The following NOS1 variants were observed in gnomAD, a reference collection of about 807,000 sequenced individuals.
NOS1 encodes nitric oxide synthase 1, also known as NOS type I.
In NOS1, 51 loss-of-function variants were observed where a neutral mutation model predicts 164.5. The observed-to-expected ratio is 0.31, with a 90% CI of 0.25 to 0.39. The LOEUF is 0.39. Among genes scored for constraint, NOS1 ranks in the 10% least tolerant of loss-of-function variants. The pLI is 1.00. For synonymous variants in NOS1, 719 were observed against 745.8 expected (o/e 0.96, Z 0.59); for missense variants, 1,362 against 1,885.6 (o/e 0.72, Z 5.14).
intron 3 of NOS1, among the ~76,000 whole-genome samples, chr12:117,297,872 G>A (rs1204860755): frequency 6.6e-6 from 1 of 152,072 alleles, no homozygotes; most frequent in East Asian, 1.9e-4. Context: ...GCCTCACAGT[G>A]AAACCAGGAC....
At chr12:117,268,893 A>G (rs941742216) in intron 10 of NOS1, among the ~76,000 whole-genome samples, 5 of 151,984 alleles carry the variant, frequency 3.3e-5, no homozygotes, top group East Asian at 1.9e-4. Context: ...CACCGCGCCC[A>G]GCCTCAAAAA....
chr12:117,359,333 G>A (rs1262465234), intron 1 of NOS1, among the ~76,000 whole-genome samples: 1 of 152,192 alleles, frequency 6.6e-6, no homozygotes, highest in Non-Finnish European at 1.5e-5. Context: ...GCTGCCACAA[G>A]AGCCCTTTTC....
Position 117,225,151 on chromosome 12 carries a change from A to G in NOS1, c.3705-14T>C. 1 of 1,605,460 alleles carries G rather than the reference A, an allele frequency of 6.2e-7. No homozygotes were observed. Among genetic ancestry groups the G allele is most frequent in the Non-Finnish European group, 8.5e-7 (1 of 1,175,866 alleles). On this transcript the variant is annotated splice_polypyrimidine_tract_variant and intron_variant, in intron 24 of 28. Transcript: ENST00000317775. ...AAGCTGGGTGCTCTGGGCAAGGAAG[A>G]GGGGGTCAGAAGTCTTGCAGAGCTC... is the stretch of plus-strand genomic sequence containing the variant.
chr12:117,214,405 G>A lies in NOS1; in HGVS notation c.*904C>T, dbSNP rs542963945. On this transcript the variant is annotated 3_prime_UTR_variant, in exon 29 of 29. Transcript: ENST00000317775. ...GAACAACATAACTTCCAGGCCCCTT[G>A]GATGCTATTGCTGGAGGAGGGGGTC... 74 of 985,352 alleles carry A rather than the reference G, an allele frequency of 7.5e-5. 1 individual carries two copies. In the South Asian group the frequency reaches 3.3e-3, roughly 44 times the overall value. The allele number at this position is 985,352 out of a possible 1,614,324, so 61.0% of individuals were successfully genotyped here.
At chr12:117,246,859 T>G (rs929789378) in intron 18 of NOS1, among the ~76,000 whole-genome samples, 6 of 152,218 alleles carry the variant, frequency 3.9e-5, no homozygotes, top group African/African-American at 1.4e-4. Flanking sequence ...GTACCACATT[T>G]TATTTACCCA....
chr12:117,255,687 C>T (rs1258954956), intron 16 of NOS1, among the ~76,000 whole-genome samples: 1 of 152,182 alleles, frequency 6.6e-6, no homozygotes, highest in Non-Finnish European at 1.5e-5. Context: ...TGTTATTACC[C>T]TTTGACCCTG....
intron 2 of NOS1, among the ~76,000 whole-genome samples, chr12:117,322,539 CCTT>C (rs1188444354): frequency 2.2e-5 from 3 of 138,038 alleles, no homozygotes; most frequent in Non-Finnish European, 3.2e-5. Context: ...TTCCCTCTCT[CCTT>C]CTTTCCTTCC....
intron 20 of NOS1, among the ~76,000 whole-genome samples, chr12:117,239,532 T>G (rs1029162737): frequency 2.0e-5 from 3 of 152,214 alleles, no homozygotes; most frequent in African/African-American, 7.2e-5. Context: ...TTTTCAAGGA[T>G]CACCCTCAAA....
At chr12:117,358,789 A>G (rs7301872) in intron 1 of NOS1, among the ~76,000 whole-genome samples, 30,656 of 151,882 alleles carry the variant, frequency 0.2, 3,274 homozygotes, top group Admixed American at 0.25. Context: ...GACTTTGGGG[A>G]AAAAAATCAC....
chr12:117,237,677 GA>G (rs11411313), intron 20 of NOS1, among the ~76,000 whole-genome samples: 38,697 of 147,746 alleles, frequency 0.26, 5,039 homozygotes, highest in Middle Eastern at 0.37. Flanking sequence ...GCATTAAATG[GA>G]AAAAAAAAAA....
intron 14 of NOS1, among the ~76,000 whole-genome samples, chr12:117,260,138 A>C (rs1871787835): frequency 7.0e-6 from 1 of 142,122 alleles, no homozygotes; most frequent in South Asian, 2.1e-4. Context: ...AAAAAACAAA[A>C]AACAAAAAAA....
Position 117,286,098 on chromosome 12 carries a change from A to G in NOS1, c.1290+6T>C, listed in dbSNP as rs76719670. The G allele has an allele frequency of 1.2e-6, 2 of 1,613,946 alleles. No homozygotes were observed. Among genetic ancestry groups the G allele is most frequent in the Middle Eastern group, 1.7e-4 (1 of 6,056 alleles). ...GCTCTTCAAGGTATCTGACTTCACCACCTACCTGCAGCTTGGACCACTGGA... is the reference window on the plus strand; with the variant it reads ...GCTCTTCAAGGTATCTGACTTCACCGCCTACCTGCAGCTTGGACCACTGGA... On this transcript the variant is annotated splice_donor_region_variant and intron_variant, in intron 6 of 28. Coordinates refer to ENST00000317775, the MANE Select transcript of NOS1 (RefSeq NM_000620.5).
chr12:117,312,807 C>CTAG (rs1244380549), intron 2 of NOS1, among the ~76,000 whole-genome samples: 6 of 152,146 alleles, frequency 3.9e-5, no homozygotes, highest in Non-Finnish European at 7.4e-5. Context: ...GTGGCAAAGC[C>CTAG]TAGTATTCCA....
chr12:117,293,292 C>T (rs759295778), intron 3 of NOS1, among the ~76,000 whole-genome samples: 2 of 152,184 alleles, frequency 1.3e-5, no homozygotes, highest in Non-Finnish European at 2.9e-5. Context: ...TCCTGGCCCT[C>T]GCCAGATCTG....
chr12:117,330,579 T>G lies in NOS1; in HGVS notation c.491A>C (p.Asp164Ala). 1 of 1,613,106 alleles carries G rather than the reference T, an allele frequency of 6.2e-7. No homozygotes were observed. Among genetic ancestry groups the G allele is most frequent in the Non-Finnish European group, 8.5e-7 (1 of 1,179,744 alleles). Reference sequence around the variant, plus strand: ...GAGTGAGCCAGCCTCCTGCCCATCATCGTAGGCATGCTGAGGCCCATTCCC... The same window carrying G: ...GAGTGAGCCAGCCTCCTGCCCATCAGCGTAGGCATGCTGAGGCCCATTCCC... ...GPGNGPQHAY[D>A]DGQEAGSLPH... is the part of the protein sequence containing the mutation. Residue 164 changes from aspartate (D) to alanine (A), a missense_variant, in exon 2 of 29, where the codon GAT (aspartate) becomes GCT (alanine). Physicochemically the swap from Asp to Ala is moderately radical, Grantham distance 126. This residue lies in a region of NOS1 where 362 missense variants were observed against 402.0 expected (regional missense o/e 0.90). Transcript: ENST00000317775. The surrounding 1 kb of genome is among the most constrained non-coding windows in gnomAD (Gnocchi z 4.6).
intron 3 of NOS1, among the ~76,000 whole-genome samples, chr12:117,290,988 G>C (rs1025195888): frequency 6.6e-6 from 1 of 152,090 alleles, no homozygotes; most frequent in Non-Finnish European, 1.5e-5. Flanking sequence ...CGAGGTGGGC[G>C]GATCACTTGA....
chr12:117,352,040 G>A (rs561894198), intron 1 of NOS1, among the ~76,000 whole-genome samples: 2 of 152,290 alleles, frequency 1.3e-5, no homozygotes, highest in South Asian at 2.1e-4. Flanking sequence ...AGGTGTGGTG[G>A]TGCACACCTG....
chr12:117,271,809 T>G (rs1253548660), intron 10 of NOS1, among the ~76,000 whole-genome samples: 3 of 152,232 alleles, frequency 2.0e-5, no homozygotes, highest in Non-Finnish European at 4.4e-5. Flanking sequence ...GCTCCAGCAC[T>G]TTTTAGTAGA....
Position 117,268,031 on chromosome 12 carries a change from C to G in NOS1, c.1941+12G>C, listed in dbSNP as rs1486597127. On this transcript the variant is annotated intron_variant, in intron 11 of 28. Coordinates refer to ENST00000317775, the MANE Select transcript of NOS1 (RefSeq NM_000620.5). ...TGAAGCTTGACCCTGGTGGTGCGGG[C>G]CCTGGTGTTACCTGGAAGCTATAGA... 6.3e-7 allele frequency: 1 copy of G among 1,587,810 alleles called. No individual in the cohort carries two copies. The highest frequency in any genetic ancestry group is 8.6e-7 in the Non-Finnish European group (1 of 1,156,864).
Sources: allele counts gnomAD v4.1 joint callset (sites outside exome capture counted in the v4.1 genomes callset), GRCh38; gene constraint gnomAD v4.1.1; regional missense constraint gnomAD v4.1.1; non-coding constraint Gnocchi (gnomAD v3.1); transcripts MANE v1.5; gene names NCBI Gene and HGNC (gene_info 2026-07-23, HGNC 2026-07-21).